LRP1B: variants seen among roughly 807,000 people sequenced by gnomAD.
LRP1B encodes the protein LDL receptor related protein 1B, also known as low-density lipoprotein receptor-related protein 1B.
LRP1B carries 217 observed loss-of-function variants against 556.6 expected under a neutral mutation model. The ratio of observed to expected loss-of-function variants is 0.39; its 90% confidence interval spans 0.35 to 0.44. The LOEUF (loss-of-function observed/expected upper bound fraction) is 0.44, where lower values mean the gene tolerates loss of function less well. Among genes scored for constraint, LRP1B ranks in the 20% least tolerant of loss-of-function variants. The pLI, the probability that LRP1B is intolerant of heterozygous loss-of-function variation, is 1.00. For missense variants in LRP1B, 5,053 were observed against 5,620.8 expected (o/e 0.90, Z 3.23); for synonymous variants, 2,047 against 1,865.8 (o/e 1.10, Z -2.50).
chr2:140,328,116 C>A (rs796171643), intron 79 of LRP1B, among the ~76,000 whole-genome samples: 25 of 151,734 alleles, frequency 1.6e-4, no homozygotes, highest in African/African-American at 5.1e-4. Flanking sequence ...AATAAAGAAC[C>A]AATAATAAAG....
intron 3 of LRP1B, among the ~76,000 whole-genome samples, chr2:141,325,080 GA>G (rs1392509729): frequency 2.2e-4 from 34 of 151,682 alleles, no homozygotes; most frequent in Non-Finnish European, 7.4e-5. Flanking sequence ...CATAACTGTT[GA>G]AAAAGAAATC....
At chr2:141,314,897 T>TACATATATACATATATAC (rs1686960954) in intron 3 of LRP1B, among the ~76,000 whole-genome samples, 1 of 140,882 alleles carries the variant, frequency 7.1e-6, no homozygotes, top group African/African-American at 2.7e-5. Context: ...CATATATACA[T>TACATATATACATATATAC]ATATATATAT....
At chr2:141,212,324 G>C (rs1682597168) in intron 6 of LRP1B, among the ~76,000 whole-genome samples, 1 of 120,938 alleles carries the variant, frequency 8.3e-6, no homozygotes, top group Non-Finnish European at 1.6e-5. Flanking sequence ...TGTCGCCCAG[G>C]CTGGAGTGCA....
In LRP1B at chr2:140,950,218, T is replaced by C; in HGVS notation, c.3136+17A>G. 6.6e-7 allele frequency: 1 copy of C among 1,518,824 alleles called. No individual in the cohort carries two copies. Among genetic ancestry groups the C allele is most frequent in the Non-Finnish European group, 8.8e-7 (1 of 1,130,166 alleles). The allele number at this position is 1,518,824 out of a possible 1,614,324, so 94.1% of individuals were successfully genotyped here. ...AACTTTTAAAATGAGATTTCATTAA[T>C]TTATAAAATTACTAACCTTCTTTAG... On this transcript the variant is annotated intron_variant, in intron 20 of 90. Coordinates refer to ENST00000389484, the MANE Select transcript of LRP1B (RefSeq NM_018557.3).
At chr2:140,553,325 A>G (rs1371854992) in intron 43 of LRP1B, among the ~76,000 whole-genome samples, 2 of 151,998 alleles carry the variant, frequency 1.3e-5, no homozygotes, top group African/African-American at 4.8e-5. Context: ...AACAAATACA[A>G]GATGCCTAAA....
intron 2 of LRP1B, among the ~76,000 whole-genome samples, chr2:141,648,226 G>A (rs1408898830): frequency 6.6e-6 from 1 of 152,144 alleles, no homozygotes; most frequent in Non-Finnish European, 1.5e-5. Context: ...ATTCTTGACT[G>A]AACTCCACCA....
chr2:141,477,959 C>T (rs529512230), intron 3 of LRP1B, among the ~76,000 whole-genome samples: 29 of 18,290 alleles, frequency 1.6e-3, no homozygotes, highest in African/African-American at 2.3e-3. Context: ...AAACCTCCTA[C>T]TGGCAAAAAA....
intron 11 of LRP1B, among the ~76,000 whole-genome samples, chr2:141,040,785 A>T (rs1055535616): frequency 6.6e-6 from 1 of 152,130 alleles, no homozygotes; most frequent in Non-Finnish European, 1.5e-5. Flanking sequence ...TGCTGGGGAC[A>T]GGACTGAGCT....
intron 16 of LRP1B, 22 bp from the exon 17 acceptor site, chr2:140,989,679 GA>G: frequency 6.2e-7 from 1 of 1,609,816 alleles, no homozygotes; most frequent in Non-Finnish European, 8.5e-7. Flanking sequence ...GGGGAAGCAA[GA>G]TTAATTATTT....
intron 83 of LRP1B, among the ~76,000 whole-genome samples, chr2:140,301,503 T>C (rs961233398): frequency 6.6e-6 from 1 of 152,158 alleles, no homozygotes; most frequent in Admixed American, 6.6e-5. Context: ...AGTTATACTC[T>C]CTGCTCTCAA....
intron 6 of LRP1B, among the ~76,000 whole-genome samples, chr2:141,225,784 T>C (rs1028958468): frequency 2.0e-5 from 3 of 152,112 alleles, no homozygotes; most frequent in African/African-American, 7.2e-5. Context: ...TCTCACAATA[T>C]TGTTTAGGAA....
intron 51 of LRP1B, among the ~76,000 whole-genome samples, chr2:140,513,123 G>A (rs895018540): frequency 3.3e-5 from 5 of 152,024 alleles, no homozygotes; most frequent in African/African-American, 1.2e-4. Flanking sequence ...GTGTACATTG[G>A]TTATGTTGGA....
At chr2:141,650,008 T>A (rs1050030785) in intron 2 of LRP1B, among the ~76,000 whole-genome samples, 2 of 152,086 alleles carry the variant, frequency 1.3e-5, no homozygotes, top group African/African-American at 4.8e-5. Context: ...GGTGAAACCC[T>A]GTCTCTACTA....
intron 1 of LRP1B, among the ~76,000 whole-genome samples, chr2:142,029,363 C>G (rs1703610084): frequency 6.6e-6 from 1 of 151,772 alleles, no homozygotes; most frequent in Non-Finnish European, 1.5e-5. Context: ...TGAAAGTTGG[C>G]CAAGCATCAA....
chr2:140,442,381 G>T, intron 66 of LRP1B, 123 bp downstream of exon 66: 3 of 1,283,794 alleles, frequency 2.3e-6, no homozygotes, highest in East Asian at 2.6e-5. Context: ...TGAACACAGA[G>T]ACAAAACCTT....
chr2:140,594,657 G>A (rs1216596868), intron 43 of LRP1B, among the ~76,000 whole-genome samples: 2 of 152,088 alleles, frequency 1.3e-5, no homozygotes, highest in African/African-American at 4.8e-5. Flanking sequence ...AGATTATGAT[G>A]TCTAGCTTCT....
intron 23 of LRP1B, among the ~76,000 whole-genome samples, chr2:140,888,125 A>G (rs1021048157): frequency 4.6e-5 from 7 of 152,138 alleles, no homozygotes; most frequent in Admixed American, 3.9e-4. Flanking sequence ...CTCACTGTTA[A>G]CAGTCCAGGT....
At chr2:142,124,163 T>C (rs1574711576) in intron 1 of LRP1B, among the ~76,000 whole-genome samples, 1 of 151,972 alleles carries the variant, frequency 6.6e-6, no homozygotes, top group Admixed American at 6.6e-5. Context: ...TGCCCAATAG[T>C]TATCCTTTCT....
chr2:141,571,162 G>A lies in LRP1B; in HGVS notation c.206-90629C>T, dbSNP rs560984356. Among the ~76,000 whole-genome samples, 33 of 120,726 alleles carry A rather than the reference G, an allele frequency of 2.7e-4. 1 individual carries two copies. The highest frequency in any genetic ancestry group is 1.2e-3 in the African/African-American group (30 of 24,954). The allele number at this position is 120,726 out of a possible 152,430, so 79.2% of individuals were successfully genotyped here. ...TACAGGAGTGATCCTATTGGCATCA[G>A]GTTATAGCCCCTTGAGATCAGAGGT... On this transcript the variant is annotated intron_variant, in intron 2 of 90. Transcript: ENST00000389484.
Sources: gnomAD v4.1 joint callset for allele counts (sites outside exome capture counted in the v4.1 genomes callset) on GRCh38, gnomAD v4.1.1 for gene constraint, MANE v1.5 for transcripts, NCBI Gene and HGNC (gene_info 2026-07-23, HGNC 2026-07-21) for gene names.